The following MED13L variants were observed in gnomAD, a reference collection of about 807,000 sequenced individuals.
MED13L encodes the protein mediator of RNA polymerase II transcription subunit 13-like.
A neutral mutation model predicts 220.9 loss-of-function variants in MED13L; 7 were observed. The observed-to-expected ratio is 0.03, with a 90% CI of 0.02 to 0.06. The LOEUF is 0.06. Ranked by LOEUF, MED13L falls within the 10% of genes least tolerant of loss-of-function variation. MED13L has a pLI of 1.00. For synonymous variants in MED13L, 1,011 were observed against 1,015.2 expected (o/e 1.00, Z 0.08); for missense variants, 1,965 against 2,760.5 (o/e 0.71, Z 6.46).
At chr12:116,087,238 T>C (rs995508591) in intron 4 of MED13L, among the ~76,000 whole-genome samples, 1 of 152,200 alleles carries the variant, frequency 6.6e-6, no homozygotes, top group African/African-American at 2.4e-5. Context: ...ATTTATGCTA[T>C]CTTATTCAAT....
At position 115,982,587 on chromosome 12, in the gene MED13L, T is replaced by C. The variant is rs753182755; in HGVS notation, c.4972A>G (p.Arg1658Gly). ...TCAGGCTCCGTGGGAATTCCTATTC[T>C]CTCCCTTTCTGTAACACTGGAGAGA... ...DGQESVTERE[R>G]IGIPTEPDSA... The change falls in exon 22 of 31, where the codon AGA (arginine) becomes GGA (glycine). Residue 1658 changes from arginine to glycine, a missense_variant. Around this residue, in one of 10 missense-constraint regions of MED13L, gnomAD observed 510 missense variants for 620.4 expected, o/e 0.82. Coordinates refer to ENST00000281928, the MANE Select transcript of MED13L (RefSeq NM_015335.5). 1 of 1,613,656 alleles carries C rather than the reference T, an allele frequency of 6.2e-7. No individual in the cohort carries two copies.
intron 2 of MED13L, among the ~76,000 whole-genome samples, chr12:116,205,958 T>G (rs1337845079): frequency 7.5e-6 from 1 of 132,882 alleles, no homozygotes; most frequent in Non-Finnish European, 1.6e-5. Context: ...TTTTTTTTTT[T>G]GCTTCCTTTG....
intron 2 of MED13L, among the ~76,000 whole-genome samples, chr12:116,229,173 C>T (rs1869300022): frequency 6.6e-6 from 1 of 152,154 alleles, no homozygotes; most frequent in African/African-American, 2.4e-5. Flanking sequence ...AACATGGCTA[C>T]ACTTAAAAAT....
At chr12:115,972,057 C>A (rs1876623413) in intron 26 of MED13L, 21 bp downstream of exon 26, 1 of 1,612,724 alleles carries the variant, frequency 6.2e-7, no homozygotes. Flanking sequence ...TAATTAATGA[C>A]AATGACAAGA....
intron 9 of MED13L, among the ~76,000 whole-genome samples, chr12:116,009,953 T>C (rs35124193): frequency 6.6e-6 from 1 of 152,176 alleles, no homozygotes; most frequent in Non-Finnish European, 1.5e-5. Flanking sequence ...TATAAATCAT[T>C]CCCGGGGAAA....
At chr12:116,140,092 T>TA (rs1876928779) in intron 2 of MED13L, among the ~76,000 whole-genome samples, 1 of 151,874 alleles carries the variant, frequency 6.6e-6, no homozygotes. Flanking sequence ...ATAACTCACC[T>TA]AGGAACAAAA....
Position 116,007,462 on chromosome 12 carries a change from G to T in MED13L, c.2187C>A (p.Ala729=). The change falls in exon 11 of 31, where the codon GCC becomes GCA. Residue 729 remains alanine, a synonymous_variant. Coordinates refer to ENST00000281928, the MANE Select transcript of MED13L (RefSeq NM_015335.5). ...CCGTCCCTTGTTTGCATTTCTTGTT[G>T]GCTGTAAAGATGTATTTTATGTCAC... ...EDGDIKYIFT[A]NKKCKQGTEK... is the part of the protein sequence containing the mutation. The T allele has an allele frequency of 6.2e-7, 1 of 1,613,698 alleles. No homozygotes were observed. The highest frequency in any genetic ancestry group is 8.5e-7 in the Non-Finnish European group (1 of 1,179,862).
intron 4 of MED13L, among the ~76,000 whole-genome samples, chr12:116,080,878 C>T (rs1871194895): frequency 6.6e-6 from 1 of 152,096 alleles, no homozygotes; most frequent in Non-Finnish European, 1.5e-5. Context: ...TACATAAATA[C>T]TTATTATTTG....
chr12:116,207,956 TA>T (rs1882455972), intron 2 of MED13L, among the ~76,000 whole-genome samples: 1 of 152,062 alleles, frequency 6.6e-6, no homozygotes. Flanking sequence ...ATCTGGAGCA[TA>T]AAATGTTCAA....
chr12:116,082,600 T>C (rs1871309355), intron 4 of MED13L: 1 of 151,960 alleles, frequency 6.6e-6, no homozygotes, highest in Non-Finnish European at 1.5e-5. Context: ...TACACAAAAA[T>C]TGGAACCCTA....
At chr12:116,197,787 A>G (rs1881732587) in intron 2 of MED13L, among the ~76,000 whole-genome samples, 1 of 151,980 alleles carries the variant, frequency 6.6e-6, no homozygotes, top group Non-Finnish European at 1.5e-5. Context: ...AAAAGGAAAA[A>G]AAAAAAGCAG....
chr12:115,961,691 A>T (rs1262414500), intron 30 of MED13L: 1 of 436,160 alleles, frequency 2.3e-6, no homozygotes, highest in Admixed American at 3.5e-5. Flanking sequence ...CTTAGGGGCC[A>T]GGTGCAGTGG....
At chr12:116,272,472 G>A (rs539654897) in intron 1 of MED13L, among the ~76,000 whole-genome samples, 64 of 151,786 alleles carry the variant, frequency 4.2e-4, no homozygotes, top group Admixed American at 7.2e-4. Context: ...TGAGGCAAGA[G>A]AATCCCTTGA....
At chr12:116,065,197 T>C (rs1039453646) in intron 4 of MED13L, among the ~76,000 whole-genome samples, 4 of 152,162 alleles carry the variant, frequency 2.6e-5, no homozygotes, top group Non-Finnish European at 4.4e-5. Flanking sequence ...TGCTCCACTA[T>C]AATCTTTTGG....
intron 9 of MED13L, among the ~76,000 whole-genome samples, chr12:116,012,529 TG>T (rs1328836108): frequency 6.6e-6 from 1 of 152,358 alleles, no homozygotes; most frequent in East Asian, 1.9e-4. Context: ...GGCTAAGAAC[TG>T]TCTTGTCAAA....
intron 4 of MED13L, among the ~76,000 whole-genome samples, chr12:116,058,812 A>AC (rs1869189436): frequency 6.6e-6 from 1 of 152,112 alleles, no homozygotes; most frequent in Non-Finnish European, 1.5e-5. Context: ...ATATTCTCCA[A>AC]CCCCACTCAA....
At chr12:116,268,235 A>T (rs2138580714) in intron 1 of MED13L, among the ~76,000 whole-genome samples, 1 of 152,292 alleles carries the variant, frequency 6.6e-6, no homozygotes, top group African/African-American at 2.4e-5. Context: ...GTAACATTTG[A>T]ACTTCTTAAG....
intron 1 of MED13L, chr12:116,276,790 G>C (rs1442501933): frequency 8.0e-7 from 1 of 1,255,620 alleles, no homozygotes; most frequent in African/African-American, 1.5e-5. Context: ...GTGCGACCCA[G>C]AATCCGCAGC....
chr12:116,182,154 C>G (rs1880572023), intron 2 of MED13L, among the ~76,000 whole-genome samples: 3 of 152,166 alleles, frequency 2.0e-5, no homozygotes, highest in Admixed American at 6.5e-5. Context: ...GACCCTCTCT[C>G]ATCTAAATCC....
Sources: gnomAD v4.1 joint callset for allele counts (sites outside exome capture counted in the v4.1 genomes callset) on GRCh38, gnomAD v4.1.1 for gene constraint, gnomAD v4.1.1 regional missense constraint, MANE v1.5 for transcripts, NCBI Gene and HGNC (gene_info 2026-07-23, HGNC 2026-07-21) for gene names.